The following ST6GALNAC3 variants were observed in gnomAD, a reference collection of about 807,000 sequenced individuals.
ST6GALNAC3 encodes the protein alpha-N-acetylgalactosaminide alpha-2,6-sialyltransferase 3.
A neutral mutation model predicts 32.7 loss-of-function variants in ST6GALNAC3; 25 were observed. The ratio of observed to expected loss-of-function variants is 0.76; its 90% CI spans 0.56 to 1.07. The LOEUF (loss-of-function observed/expected upper bound fraction) is 1.07, where lower values mean the gene tolerates loss of function less well. Ranked by LOEUF, ST6GALNAC3 falls within the 50% of genes least tolerant of loss-of-function variation. The pLI is 0.00. For synonymous variants in ST6GALNAC3, 129 were observed against 133.1 expected, an observed-to-expected ratio of 0.97 and a Z score of 0.21; for missense variants, 355 against 382.4, an observed-to-expected ratio of 0.93 and a Z score of 0.60.
intron 1 of ST6GALNAC3, among the ~76,000 whole-genome samples, chr1:76,211,766 C>G (rs1655177572): frequency 6.6e-6 from 1 of 151,784 alleles, no homozygotes; most frequent in Non-Finnish European, 1.5e-5. Context: ...AGGGGAACAT[C>G]ACACACCGGG....
chr1:76,412,978 C>A (rs1654369867), intron 3 of ST6GALNAC3: 1 of 360,370 alleles, frequency 2.8e-6, no homozygotes. Flanking sequence ...AAATCATTAG[C>A]AGTTGAATTA....
chr1:76,537,793 A>G lies in ST6GALNAC3; in HGVS notation c.624-89659A>G, dbSNP rs562159436. On this transcript the variant is annotated intron_variant, in intron 3 of 4. Transcript: ENST00000328299. ...TAGAAAAGGCTAAATTCCTAGACAC[A>G]TACACCCTCCCAAGACTAAACCAGG... Among the ~76,000 whole-genome samples the G allele has an allele frequency of 2.4e-3, 358 of 152,282 alleles. 1 individual carries two copies. The highest frequency in any genetic ancestry group is 8.3e-3 in the African/African-American group (346 of 41,556).
chr1:76,220,277 T>C (rs565311492), intron 1 of ST6GALNAC3, among the ~76,000 whole-genome samples: 40 of 152,312 alleles, frequency 2.6e-4, no homozygotes, highest in African/African-American at 8.4e-4. Flanking sequence ...TTGTATTTTT[T>C]AGGAGACATC....
chr1:76,485,709 G>A (rs1401032399), intron 3 of ST6GALNAC3, among the ~76,000 whole-genome samples: 1 of 151,928 alleles, frequency 6.6e-6, no homozygotes, highest in African/African-American at 2.4e-5. Context: ...AGGGTTTTTT[G>A]TGTCTCTATC....
Position 76,627,486 on chromosome 1 carries a change from T to C in ST6GALNAC3, c.658T>C (p.Phe220Leu). 1.2e-6 allele frequency: 2 copies of C among 1,612,640 alleles called. No individual in the cohort carries two copies. The highest frequency in any genetic ancestry group is 1.7e-6 in the Non-Finnish European group (2 of 1,179,006). Residue 220 changes from phenylalanine to leucine, a missense_variant, in exon 4 of 5, where the codon TTT becomes CTT. Transcript: ENST00000328299. ...TGGCTCATATCTCAGCACAGGGTGGTTTACCTTCCTTCTGGCCATGGACGC... is the reference window on the plus strand; with the variant it reads ...TGGCTCATATCTCAGCACAGGGTGGCTTACCTTCCTTCTGGCCATGGACGC... ...QSGSYLSTGW[F>L]TFLLAMDACY...
At chr1:76,233,475 A>G (rs1403766682) in intron 1 of ST6GALNAC3, among the ~76,000 whole-genome samples, 1 of 152,246 alleles carries the variant, frequency 6.6e-6, no homozygotes, top group Non-Finnish European at 1.5e-5. Flanking sequence ...AGGCCTAGGT[A>G]TCTCTACAGG....
intron 3 of ST6GALNAC3, among the ~76,000 whole-genome samples, chr1:76,470,229 C>A (rs971534393): frequency 6.6e-6 from 1 of 151,916 alleles, no homozygotes; most frequent in Non-Finnish European, 1.5e-5. Flanking sequence ...ATTGCTTTGC[C>A]ATTCTGTGCC....
chr1:76,405,712 G>C (rs1486248731), intron 2 of ST6GALNAC3, among the ~76,000 whole-genome samples: 1 of 151,880 alleles, frequency 6.6e-6, no homozygotes, highest in East Asian at 1.9e-4. Flanking sequence ...GAGTCAACGA[G>C]AGGTGAAACT....
intron 3 of ST6GALNAC3, among the ~76,000 whole-genome samples, chr1:76,447,596 G>A (rs1419556136): frequency 6.6e-6 from 1 of 152,240 alleles, no homozygotes; most frequent in African/African-American, 2.4e-5. Context: ...AGGAGGAGGA[G>A]ATGGTTTCGT....
chr1:76,277,141 C>T (rs1659175442), intron 1 of ST6GALNAC3, among the ~76,000 whole-genome samples: 1 of 151,978 alleles, frequency 6.6e-6, no homozygotes, highest in African/African-American at 2.4e-5. Context: ...TTTTAATAAA[C>T]TAAAAAAATA....
chr1:76,504,871 C>A (rs1661379096), intron 3 of ST6GALNAC3, among the ~76,000 whole-genome samples: 1 of 152,142 alleles, frequency 6.6e-6, no homozygotes, highest in Admixed American at 6.5e-5. Context: ...ATCACATGCA[C>A]TGTCATTTTT....
intron 3 of ST6GALNAC3, among the ~76,000 whole-genome samples, chr1:76,532,844 C>T (rs942909049): frequency 6.8e-6 from 1 of 146,840 alleles, no homozygotes; most frequent in African/African-American, 2.5e-5. Flanking sequence ...GCTCTATGTT[C>T]TACCAATGCT....
intron 2 of ST6GALNAC3, among the ~76,000 whole-genome samples, chr1:76,398,137 C>T (rs2392033): frequency 0.38 from 55,711 of 148,408 alleles, 10,707 homozygotes; most frequent in East Asian, 0.68. Context: ...CATTATTCCA[C>T]GAGATGTTAA....
Position 76,457,172 on chromosome 1 carries a change from A to T in ST6GALNAC3, c.623+44755A>T, listed in dbSNP as rs901326636. Among the ~76,000 whole-genome samples, 7 of 152,154 alleles carry T rather than the reference A, an allele frequency of 4.6e-5. No homozygotes were observed. In the South Asian group the frequency reaches 1.0e-3, roughly 23 times the overall value. ...GGATGTGAAGGACCTCTTCAAGGAG[A>T]ACTACAAACCACTGCTCAAGGAAAT... On this transcript the variant is annotated intron_variant, in intron 3 of 4. Transcript: ENST00000328299.
At chr1:76,497,731 A>G (rs577371781) in intron 3 of ST6GALNAC3, among the ~76,000 whole-genome samples, 1 of 152,284 alleles carries the variant, frequency 6.6e-6, no homozygotes, top group East Asian at 1.9e-4. Context: ...CTATGTGTCC[A>G]GTTAATGTTT....
intron 3 of ST6GALNAC3, among the ~76,000 whole-genome samples, chr1:76,464,440 G>C (rs1435587109): frequency 6.6e-6 from 1 of 152,100 alleles, no homozygotes; most frequent in Non-Finnish European, 1.5e-5. Context: ...TAATTACCTA[G>C]TTCACTAGGC....
chr1:76,597,211 C>T (rs999717210), intron 3 of ST6GALNAC3, among the ~76,000 whole-genome samples: 2 of 152,112 alleles, frequency 1.3e-5, no homozygotes, highest in African/African-American at 4.8e-5. Flanking sequence ...CGAGGAATTC[C>T]ACTTTTACTA....
At chr1:76,525,083 T>A (rs368624158) in intron 3 of ST6GALNAC3, among the ~76,000 whole-genome samples, 1 of 152,170 alleles carries the variant, frequency 6.6e-6, no homozygotes, top group East Asian at 1.9e-4. Context: ...TTTTTAGTCA[T>A]AAACAAGACA....
At chr1:76,518,323 A>G (rs1662295738) in intron 3 of ST6GALNAC3, among the ~76,000 whole-genome samples, 1 of 152,078 alleles carries the variant, frequency 6.6e-6, no homozygotes, top group Non-Finnish European at 1.5e-5. Context: ...TTATGATTCT[A>G]GTAAAGAGAA....
Sources: allele counts gnomAD v4.1 joint callset (sites outside exome capture counted in the v4.1 genomes callset), GRCh38; gene constraint gnomAD v4.1.1; transcripts MANE v1.5; gene names NCBI Gene and HGNC (gene_info 2026-07-23, HGNC 2026-07-21).